Variants in SOX5 observed in about 807,000 individuals in gnomAD.
SOX5 encodes the protein transcription factor SOX-5.
In SOX5, 9 loss-of-function variants were observed where a neutral mutation model predicts 92.0. The ratio of observed to expected loss-of-function variants is 0.10; its 90% CI spans 0.06 to 0.17. The LOEUF (loss-of-function observed/expected upper bound fraction) is 0.17, where lower values mean the gene tolerates loss of function less well. Ranked by LOEUF, SOX5 falls within the 10% of genes least tolerant of loss-of-function variation. SOX5 has a pLI of 1.00. For missense variants in SOX5, 642 were observed against 944.5 expected (o/e 0.68, Z 4.20); for synonymous variants, 344 against 336.3 (o/e 1.02, Z -0.25).
chr12:24,289,381 T>C (rs900658539), intron 2 of SOX5, among the ~76,000 whole-genome samples: 23 of 152,082 alleles, frequency 1.5e-4, no homozygotes, highest in African/African-American at 5.1e-4. Context: ...CTGAATCTCT[T>C]GCGTTTCTGT....
chr12:24,377,566 T>G (rs971337410), intron 1 of SOX5, among the ~76,000 whole-genome samples: 2 of 152,240 alleles, frequency 1.3e-5, no homozygotes, highest in Non-Finnish European at 2.9e-5. Context: ...CATTTTATTC[T>G]AAAGATAAGA....
At chr12:24,348,239 A>G (rs1257925487) in intron 2 of SOX5, among the ~76,000 whole-genome samples, 2 of 152,064 alleles carry the variant, frequency 1.3e-5, no homozygotes, top group Admixed American at 1.3e-4. Context: ...CTTTGGAAAT[A>G]AAGCCAAAAT....
intron 12 of SOX5, 121 bp from the exon 13 acceptor site, chr12:23,543,505 C>T: frequency 1.5e-6 from 1 of 683,152 alleles, no homozygotes; most frequent in Non-Finnish European, 2.5e-6. Context: ...GATAATGGTA[C>T]TTCCAGTTCT....
chr12:24,242,689 C>T (rs1182059289), intron 3 of SOX5, among the ~76,000 whole-genome samples: 1 of 133,202 alleles, frequency 7.5e-6, no homozygotes, highest in Non-Finnish European at 1.5e-5. Flanking sequence ...AAAAGAAGAT[C>T]ATTCTGAGTG....
chr12:24,373,683 T>C (rs940534293), intron 1 of SOX5, among the ~76,000 whole-genome samples: 2 of 152,246 alleles, frequency 1.3e-5, no homozygotes, highest in African/African-American at 4.8e-5. Flanking sequence ...AATGGATATA[T>C]ATAGATATCT....
chr12:24,054,206 G>A (rs1008143369), intron 4 of SOX5, among the ~76,000 whole-genome samples: 10 of 152,236 alleles, frequency 6.6e-5, no homozygotes, highest in East Asian at 1.9e-4. Flanking sequence ...AAATCTTAAC[G>A]AGGACACAAT....
At chr12:24,106,622 T>A (rs923149412) in intron 4 of SOX5, among the ~76,000 whole-genome samples, 3 of 151,650 alleles carry the variant, frequency 2.0e-5, no homozygotes, top group Non-Finnish European at 4.4e-5. Context: ...GAAACCCCCG[T>A]CTCTATTAAA....
At chr12:23,839,909 C>A (rs570818024) in intron 3 of SOX5, among the ~76,000 whole-genome samples, 2 of 147,742 alleles carry the variant, frequency 1.4e-5, no homozygotes, top group African/African-American at 5.0e-5. Flanking sequence ...CCTTTATAAT[C>A]AAGAACAAGG....
At chr12:24,476,613 C>T (rs1945405663) in intron 1 of SOX5, among the ~76,000 whole-genome samples, 1 of 152,178 alleles carries the variant, frequency 6.6e-6, no homozygotes, top group Admixed American at 6.5e-5. Context: ...GAGGCTGAGA[C>T]TCCTCCAGCC....
intron 3 of SOX5, among the ~76,000 whole-genome samples, chr12:24,264,820 A>G (rs1012843157): frequency 6.6e-6 from 1 of 152,222 alleles, no homozygotes; most frequent in Non-Finnish European, 1.5e-5. Context: ...TTGAGTTTTC[A>G]AAAGTTGAAT....
At chr12:24,404,458 C>T (rs1030563950) in intron 1 of SOX5, among the ~76,000 whole-genome samples, 1 of 152,158 alleles carries the variant, frequency 6.6e-6, no homozygotes, top group Non-Finnish European at 1.5e-5. Context: ...GATTGGACCT[C>T]TCTACAGACA....
At position 24,340,389 on chromosome 12, in the gene SOX5, T is replaced by C. The variant is rs1049571960; in HGVS notation, c.-174+28174A>G. Among the ~76,000 whole-genome samples the C allele has an allele frequency of 3.9e-5, 6 of 152,200 alleles. No homozygotes were observed. In the South Asian group the frequency reaches 6.2e-4, roughly 16 times the overall value. On this transcript the variant is annotated intron_variant, in intron 2 of 4. Transcript: ENST00000446891. The stretch of plus-strand genomic sequence containing the variant: ...GTCAAAGCATTGGCACCCAACTTGC[T>C]ATCCAGGGAACTAAAATTCGAGACA...
At chr12:23,728,060 C>T (rs904163986) in intron 6 of SOX5, among the ~76,000 whole-genome samples, 1 of 151,668 alleles carries the variant, frequency 6.6e-6, no homozygotes, top group Non-Finnish European at 1.5e-5. Context: ...AAGTGGCTCC[C>T]TCTGAGTGAA....
intron 4 of SOX5, among the ~76,000 whole-genome samples, chr12:23,743,511 C>T (rs915374896): frequency 4.6e-5 from 7 of 151,932 alleles, no homozygotes; most frequent in African/African-American, 1.7e-4. Context: ...GGGATTTCAC[C>T]ATGCTGGCCA....
At chr12:23,619,744 C>T (rs1314574008) in intron 8 of SOX5, among the ~76,000 whole-genome samples, 3 of 152,108 alleles carry the variant, frequency 2.0e-5, no homozygotes, top group Non-Finnish European at 4.4e-5. Flanking sequence ...TTCCTTTTGG[C>T]TACTGCCAGT....
intron 2 of SOX5, among the ~76,000 whole-genome samples, chr12:24,338,828 T>G (rs1952222840): frequency 6.6e-6 from 1 of 152,116 alleles, no homozygotes. Context: ...TGCTCCTCCT[T>G]CGCCTTCCAT....
chr12:24,513,181 G>A (rs1949481847), intron 1 of SOX5, among the ~76,000 whole-genome samples: 1 of 152,206 alleles, frequency 6.6e-6, no homozygotes, highest in Non-Finnish European at 1.5e-5. Context: ...TAAGACTAAT[G>A]TAAGTGTTCT....
chr12:23,668,524 A>G (rs1215506172), intron 6 of SOX5, among the ~76,000 whole-genome samples: 3 of 152,198 alleles, frequency 2.0e-5, no homozygotes, highest in Non-Finnish European at 4.4e-5. Context: ...TAGATTCTAA[A>G]ACTAACTTGG....
intron 2 of SOX5, among the ~76,000 whole-genome samples, chr12:24,332,961 T>A (rs986135522): frequency 1.3e-5 from 2 of 152,100 alleles, no homozygotes; most frequent in Non-Finnish European, 2.9e-5. Context: ...GCAAAGTAAC[T>A]AATCAAGAAA....
Sources: allele counts gnomAD v4.1 joint callset (sites outside exome capture counted in the v4.1 genomes callset), GRCh38; gene constraint gnomAD v4.1.1; transcripts MANE v1.5; gene names NCBI Gene and HGNC (gene_info 2026-07-23, HGNC 2026-07-21).